The following IQCH variants were observed in gnomAD, a reference collection of about 807,000 sequenced individuals.
IQCH encodes IQ motif containing H, also known as IQ domain-containing protein H.
In IQCH, 98 loss-of-function variants were observed where a neutral mutation model predicts 117.0. The observed-to-expected ratio is 0.84, with a 90% CI of 0.71 to 0.99. IQCH has a LOEUF of 0.99. Among genes scored for constraint, IQCH ranks in the 50% least tolerant of loss-of-function variants. The probability of loss-of-function intolerance (pLI) is 0.00; values close to 1 mark genes in which losing one functional copy is unlikely to be tolerated. For missense variants in IQCH, 1,102 were observed against 1,243.8 expected (o/e 0.89, Z 1.72); for synonymous variants, 412 against 448.2 (o/e 0.92, Z 1.02).
chr15:67,414,774 A>C (rs1420337138), intron 14 of IQCH, among the ~76,000 whole-genome samples: 1 of 152,010 alleles, frequency 6.6e-6, no homozygotes, highest in African/African-American at 2.4e-5. Context: ...AGATGAATGA[A>C]TGAATGATTT....
At chr15:67,344,982 G>A (rs1055894782) in intron 6 of IQCH, among the ~76,000 whole-genome samples, 2 of 152,034 alleles carry the variant, frequency 1.3e-5, no homozygotes, top group African/African-American at 2.4e-5. Flanking sequence ...TCCAAATAAT[G>A]TATTTATTTT....
chr15:67,372,093 ATTTC>A lies in IQCH; in HGVS notation c.754-14_754-11del. On this transcript the variant is annotated splice_polypyrimidine_tract_variant and intron_variant, in intron 8 of 20. Transcript: ENST00000335894. Reference sequence around the variant, plus strand: ...ATAATATCTTTCACTTCTAAAATATATTTCTTTTTTTCCACAGGCCATGAAAGTC... The same window carrying A: ...ATAATATCTTTCACTTCTAAAATATATTTTTTTCCACAGGCCATGAAAGTC... 6.4e-7 allele frequency: 1 copy of A among 1,573,416 alleles called. No individual in the cohort carries two copies. The highest frequency in any genetic ancestry group is 8.6e-7 in the Non-Finnish European group (1 of 1,163,054).
At chr15:67,321,499 TTTTC>T (rs527770619) in intron 4 of IQCH, among the ~76,000 whole-genome samples, 3,033 of 150,962 alleles carry the variant, frequency 0.02, 86 homozygotes, top group African/African-American at 0.067. Flanking sequence ...TTTCTTTCTT[TTTTC>T]TTTCTTTCTT....
chr15:67,351,703 C>G (rs1173011055), intron 6 of IQCH, among the ~76,000 whole-genome samples: 1 of 152,174 alleles, frequency 6.6e-6, no homozygotes, highest in Non-Finnish European at 1.5e-5. Context: ...TAAATGGGAA[C>G]TTTTATCATT....
chr15:67,254,846 C>T lies in IQCH; in HGVS notation c.-51C>T, dbSNP rs761504906. The T allele has an allele frequency of 1.9e-6, 3 of 1,585,106 alleles. No homozygotes were observed. The highest frequency in any genetic ancestry group is 3.4e-5 in the Admixed American group (2 of 58,430). ...GACGAGCGGCTCCGGCTGAAGGTTTCCGTGCTTGGAAACCGCGCCTCCGCG... is the reference window on the plus strand; with the variant it reads ...GACGAGCGGCTCCGGCTGAAGGTTTTCGTGCTTGGAAACCGCGCCTCCGCG... On this transcript the variant is annotated 5_prime_UTR_variant, in exon 1 of 21. Transcript: ENST00000335894.
intron 19 of IQCH, among the ~76,000 whole-genome samples, chr15:67,492,069 C>T (rs2083669627): frequency 6.6e-6 from 1 of 152,134 alleles, no homozygotes; most frequent in Non-Finnish European, 1.5e-5. Flanking sequence ...ACGGTGATGT[C>T]AGGGCTGGGC....
chr15:67,404,226 AG>A lies in IQCH; in HGVS notation c.2097+3923del, dbSNP rs1971788124. 2 of 152,210 alleles carry A rather than the reference AG, an allele frequency of 1.3e-5. No individual in the cohort carries two copies. Among genetic ancestry groups the A allele is most frequent in the South Asian group, 4.1e-4 (2 of 4,830 alleles). The allele number at this position is 152,210 out of a possible 1,614,324, so 9.4% of individuals were successfully genotyped here. ...GTAGGAGAAGAACTATGCCTGGAAA[AG>A]GTAGAATAAACCACAGTTGTTTTGC... On this transcript the variant is annotated intron_variant, in intron 14 of 20. Coordinates refer to ENST00000335894, the MANE Select transcript of IQCH (RefSeq NM_001031715.3). This position sits in a 1 kb window ranked among gnomAD's most constrained non-coding sequence, Gnocchi z 4.6.
intron 15 of IQCH, among the ~76,000 whole-genome samples, chr15:67,419,422 C>G (rs1262803178): frequency 6.6e-6 from 1 of 152,196 alleles, no homozygotes; most frequent in African/African-American, 2.4e-5. Context: ...GTCACCATCT[C>G]CCTCCCTCCA....
At chr15:67,261,680 ATTAC>A (rs976566959) in intron 2 of IQCH, among the ~76,000 whole-genome samples, 4 of 152,250 alleles carry the variant, frequency 2.6e-5, no homozygotes, top group African/African-American at 7.2e-5. Flanking sequence ...AATAATTACT[ATTAC>A]TTGATCTTAG....
chr15:67,472,002 TAGAG>T lies in IQCH; in HGVS notation c.2677-3684_2677-3681del, dbSNP rs916379887. Among the ~76,000 whole-genome samples the T allele has an allele frequency of 1.3e-5, 2 of 152,114 alleles. No homozygotes were observed. Among genetic ancestry groups the T allele is most frequent in the South Asian group, 2.1e-4 (1 of 4,808 alleles). On this transcript the variant is annotated intron_variant, in intron 17 of 20. Coordinates refer to ENST00000335894, the MANE Select transcript of IQCH (RefSeq NM_001031715.3). This position sits in a 1 kb window ranked among gnomAD's most constrained non-coding sequence, Gnocchi z 4.3. ...CTTGAGGAGCTGAAAAGAAAGGCCATAGAGAGAGAGAGATGTTGCTATTAAAATA... is the reference window on the plus strand; with the variant it reads ...CTTGAGGAGCTGAAAAGAAAGGCCATAGAGAGAGATGTTGCTATTAAAATA...
At chr15:67,374,961 T>C (rs1970686978) in intron 10 of IQCH, among the ~76,000 whole-genome samples, 1 of 152,160 alleles carries the variant, frequency 6.6e-6, no homozygotes, top group Non-Finnish European at 1.5e-5. Flanking sequence ...CAAAGTTGCT[T>C]AGCACAAAGG....
chr15:67,305,427 C>T (rs1297909934), intron 4 of IQCH, among the ~76,000 whole-genome samples: 1 of 152,060 alleles, frequency 6.6e-6, no homozygotes, highest in Non-Finnish European at 1.5e-5. Context: ...CTTTATCTTA[C>T]AAATACTTCT....
At chr15:67,298,248 C>T (rs1399331485) in intron 4 of IQCH, among the ~76,000 whole-genome samples, 1 of 150,282 alleles carries the variant, frequency 6.7e-6, no homozygotes, top group African/African-American at 2.5e-5. Context: ...GCGGAGGTTG[C>T]AGTAAGCCGA....
intron 8 of IQCH, among the ~76,000 whole-genome samples, chr15:67,360,406 T>C (rs952324647): frequency 6.6e-6 from 1 of 152,104 alleles, no homozygotes; most frequent in Non-Finnish European, 1.5e-5. Context: ...GCCCCCACAA[T>C]ATGGCAAGTA....
Position 67,425,057 on chromosome 15 carries a change from CATTTCTTTGATTATTAGTGAAG to C in IQCH, c.2505+3483_2505+3504del, listed in dbSNP as rs2081850858. Among the ~76,000 whole-genome samples the C allele has an allele frequency of 6.6e-6, 1 of 151,334 alleles. No individual in the cohort carries two copies. The highest frequency in any genetic ancestry group is 1.5e-5 in the Non-Finnish European group (1 of 67,804). ...GTTAAAAATTTTTTGTTTTATTCAG[CATTTCTTTGATTATTAGTGAAG>C]ATCCACACCTCTTCATATGTTTGTT... On this transcript the variant is annotated intron_variant, in intron 16 of 20. Coordinates refer to ENST00000335894, the MANE Select transcript of IQCH (RefSeq NM_001031715.3). This position sits in a 1 kb window ranked among gnomAD's most constrained non-coding sequence, Gnocchi z 5.5.
chr15:67,256,518 C>G (rs1965213956), intron 1 of IQCH, among the ~76,000 whole-genome samples: 2 of 152,120 alleles, frequency 1.3e-5, no homozygotes. Flanking sequence ...GGCCAAAGCC[C>G]ACAGACAAAG....
intron 17 of IQCH, among the ~76,000 whole-genome samples, chr15:67,471,324 T>C (rs561490011): frequency 6.6e-6 from 1 of 152,376 alleles, no homozygotes; most frequent in South Asian, 2.1e-4. Flanking sequence ...TTATCAAACC[T>C]ACATAAATTG....
rs17232831 is a variant in IQCH, at chr15:67,473,112, A to C, written c.2677-2584A>C. ...TGTTTATATACTATGGCAGCATCAG[A>C]CAAGTTTAGAAGACAAAAATAACCT... On this transcript the variant is annotated intron_variant, in intron 17 of 20. Transcript: ENST00000335894. This position sits in a 1 kb window ranked among gnomAD's most constrained non-coding sequence, Gnocchi z 4.9. Among the ~76,000 whole-genome samples, 1,609 of 152,320 alleles carry C rather than the reference A, an allele frequency of 0.011. 16 individuals are homozygous for C. Among genetic ancestry groups the C allele is most frequent in the Non-Finnish European group, 0.017 (1,137 of 68,024 alleles).
At position 67,443,112 on chromosome 15, in the gene IQCH, C is replaced by T. The variant is rs1370861995; in HGVS notation, c.2505+21535C>T. Among the ~76,000 whole-genome samples the T allele has an allele frequency of 2.0e-5, 3 of 151,978 alleles. No individual in the cohort carries two copies. The highest frequency in any genetic ancestry group is 2.1e-4 in the South Asian group (1 of 4,824). ...GGTTCACACCATTTTCCTGCCTCAG[C>T]CTCCTGAGTAGCTGGGACTACAGGC... is the stretch of plus-strand genomic sequence containing the variant. On this transcript the variant is annotated intron_variant, in intron 16 of 20. Transcript: ENST00000335894. The surrounding 1 kb of genome is among the most constrained non-coding windows in gnomAD (Gnocchi z 5.0).
Sources: allele counts gnomAD v4.1 joint callset (sites outside exome capture counted in the v4.1 genomes callset), GRCh38; gene constraint gnomAD v4.1.1; non-coding constraint Gnocchi (gnomAD v3.1); transcripts MANE v1.5; gene names NCBI Gene and HGNC (gene_info 2026-07-23, HGNC 2026-07-21).